RSRC1: variants seen among roughly 807,000 people sequenced by gnomAD.
RSRC1 encodes the protein serine/Arginine-related protein 53.
In RSRC1, 39 loss-of-function variants were observed where a neutral mutation model predicts 49.1. The observed-to-expected ratio is 0.79, with a 90% CI of 0.61 to 1.04. The LOEUF (loss-of-function observed/expected upper bound fraction) is 1.04, where lower values mean the gene tolerates loss of function less well. Among genes scored for constraint, RSRC1 ranks in the 50% least tolerant of loss-of-function variants. The probability of loss-of-function intolerance (pLI) is 0.00; values close to 1 mark genes in which losing one functional copy is unlikely to be tolerated. For missense variants in RSRC1, 388 were observed against 402.4 expected (o/e 0.96, Z 0.31); for synonymous variants, 143 against 130.8 (o/e 1.09, Z -0.63).
intron 6 of RSRC1, among the ~76,000 whole-genome samples, chr3:158,358,548 GTT>G (rs1196208824): frequency 6.6e-6 from 1 of 151,972 alleles, no homozygotes; most frequent in Non-Finnish European, 1.5e-5. Flanking sequence ...AGAACAGAGG[GTT>G]TTTTTAATCA....
rs550946877 is a variant in RSRC1 at position 158,521,691 on chromosome 3, T to G, written c.653-15401T>G. On this transcript the variant is annotated intron_variant, in intron 7 of 9. Coordinates refer to ENST00000611884, the MANE Select transcript of RSRC1 (RefSeq NM_001271838.2). ...ACTTGTAAATAGAGCTGGAGTTGCC[T>G]TATTATATTGCAATTTTATGACTTA... Among the ~76,000 whole-genome samples the G allele has an allele frequency of 1.6e-4, 6 of 36,432 alleles. No individual in the cohort carries two copies. The East Asian group carries it at 1.9e-3, about 11-fold the overall frequency. 23.9% of individuals were successfully genotyped at this position (36,432 alleles called of 152,430 possible).
At chr3:158,290,310 T>G (rs1578295645) in intron 4 of RSRC1, among the ~76,000 whole-genome samples, 1 of 152,124 alleles carries the variant, frequency 6.6e-6, no homozygotes, top group African/African-American at 2.4e-5. Flanking sequence ...TCTTGCTCTG[T>G]CTCCCAGGCT....
intron 4 of RSRC1, among the ~76,000 whole-genome samples, chr3:158,247,980 T>C (rs966973457): frequency 1.3e-5 from 2 of 152,154 alleles, no homozygotes; most frequent in African/African-American, 2.4e-5. Context: ...AACCCAGAAA[T>C]AAGACCACAC....
intron 3 of RSRC1, among the ~76,000 whole-genome samples, chr3:158,173,578 T>G (rs1719010516): frequency 6.6e-6 from 1 of 151,986 alleles, no homozygotes; most frequent in Non-Finnish European, 1.5e-5. Context: ...AAAAATTTAC[T>G]GTATGAACTA....
At chr3:158,271,616 A>G (rs1205816792) in intron 4 of RSRC1, among the ~76,000 whole-genome samples, 1 of 152,154 alleles carries the variant, frequency 6.6e-6, no homozygotes, top group Non-Finnish European at 1.5e-5. Context: ...TGCAAAAATA[A>G]TTATATAGCT....
In RSRC1 at chr3:158,408,235, T is replaced by A. The variant is rs145289410; in HGVS notation, c.584-52700T>A. Among the ~76,000 whole-genome samples, 1,078 of 152,344 alleles carry A rather than the reference T, an allele frequency of 7.1e-3. 33 individuals are homozygous for A. Among genetic ancestry groups the A allele is most frequent in the Admixed American group, 0.064 (977 of 15,296 alleles). On this transcript the variant is annotated intron_variant, in intron 6 of 9. Transcript: ENST00000611884. ...CTTATTTTCTCAACCTTCTAACTGA[T>A]GTATTTAGCTGTCGTTTTTAGAGAG...
At position 158,123,513 on chromosome 3, in the gene RSRC1, G is replaced by C. The variant is rs549042170; in HGVS notation, c.195-353G>C. On this transcript the variant is annotated intron_variant, in intron 2 of 9. Coordinates refer to ENST00000611884, the MANE Select transcript of RSRC1 (RefSeq NM_001271838.2). ...TGGCCTTGCTGTGTTGCCCAAGCTG[G>C]TATCGAATTCTTGGCCTCAAGCGAT... Among the ~76,000 whole-genome samples, 28 of 152,032 alleles carry C rather than the reference G, an allele frequency of 1.8e-4. No homozygotes were observed. In the East Asian group the frequency reaches 3.3e-3, roughly 18 times the overall value.
chr3:158,388,588 G>A (rs1040284790), intron 6 of RSRC1, among the ~76,000 whole-genome samples: 1 of 149,462 alleles, frequency 6.7e-6, no homozygotes, highest in African/African-American at 2.5e-5. Flanking sequence ...AGGCATTTGG[G>A]GAGCCAAATT....
chr3:158,220,507 C>T (rs1242851865), intron 4 of RSRC1, among the ~76,000 whole-genome samples: 7 of 151,512 alleles, frequency 4.6e-5, no homozygotes, highest in African/African-American at 1.2e-4. Flanking sequence ...GTAATTCTTT[C>T]GGGTGCTATT....
chr3:158,415,839 A>G (rs1189813666), intron 6 of RSRC1, among the ~76,000 whole-genome samples: 1 of 152,038 alleles, frequency 6.6e-6, no homozygotes, highest in Non-Finnish European at 1.5e-5. Context: ...CATTAATAGC[A>G]ATATTTCCCT....
At chr3:158,299,642 T>C (rs1482161883) in intron 5 of RSRC1, among the ~76,000 whole-genome samples, 1 of 152,148 alleles carries the variant, frequency 6.6e-6, no homozygotes, top group East Asian at 1.9e-4. Context: ...GAGGTGTCTT[T>C]TATACTTTTG....
At chr3:158,419,426 A>G (rs78871911) in intron 6 of RSRC1, among the ~76,000 whole-genome samples, 8,186 of 152,016 alleles carry the variant, frequency 0.054, 319 homozygotes, top group South Asian at 0.1. Flanking sequence ...TCATTGTCAT[A>G]GGTGACAGTT....
intron 6 of RSRC1, among the ~76,000 whole-genome samples, chr3:158,425,315 T>C (rs1185610188): frequency 6.6e-6 from 1 of 152,130 alleles, no homozygotes; most frequent in Non-Finnish European, 1.5e-5. Flanking sequence ...ACATCTTTAT[T>C]TCTGCCTTCA....
At chr3:158,448,383 A>T (rs777271163) in intron 6 of RSRC1, among the ~76,000 whole-genome samples, 10 of 151,804 alleles carry the variant, frequency 6.6e-5, no homozygotes, top group Non-Finnish European at 1.5e-4. Flanking sequence ...TTCAGGTTAT[A>T]AAAAAATGTT....
At chr3:158,132,761 A>G (rs984203682) in intron 3 of RSRC1, among the ~76,000 whole-genome samples, 2 of 152,142 alleles carry the variant, frequency 1.3e-5, no homozygotes, top group African/African-American at 4.8e-5. Flanking sequence ...GCACTATTAA[A>G]TTTTACAGCT....
rs185870343 is a variant in RSRC1, at chr3:158,395,428, C to T, written c.583+40520C>T. Reference sequence around the variant, plus strand: ...AATGCTAGAAAATATTTGCAAACTACGCATCTGACAAAGGTCAATATCCAG... The same window carrying T: ...AATGCTAGAAAATATTTGCAAACTATGCATCTGACAAAGGTCAATATCCAG... On this transcript the variant is annotated intron_variant, in intron 6 of 9. Transcript: ENST00000611884. Among the ~76,000 whole-genome samples, 212 of 152,138 alleles carry T rather than the reference C, an allele frequency of 1.4e-3. 5 individuals are homozygous for T. In the South Asian group the frequency reaches 0.029, roughly 21 times the overall value.
Position 158,122,240 on chromosome 3 carries a change from T to C in RSRC1, c.136T>C (p.Ser46Pro). 1 of 1,604,854 alleles carries C rather than the reference T, an allele frequency of 6.2e-7. No individual in the cohort carries two copies. The highest frequency in any genetic ancestry group is 8.5e-7 in the Non-Finnish European group (1 of 1,174,978). Residue 46 changes from serine to proline, a missense_variant, in exon 2 of 10, where the codon TCA (serine) becomes CCA (proline). Transcript: ENST00000611884. ...AAAGAAAGGAGGAAGGAAATCAAGA[T>C]CAAAGTCAAGATCTTGGTCCAGAGA... ...SRKKGGRKSR[S>P]KSRSWSRDLQ...
chr3:158,127,221 T>C (rs1387706062), intron 3 of RSRC1, among the ~76,000 whole-genome samples: 2 of 152,134 alleles, frequency 1.3e-5, no homozygotes, highest in Non-Finnish European at 2.9e-5. Context: ...TCAAATAAGC[T>C]CTCTGTTCAT....
intron 6 of RSRC1, among the ~76,000 whole-genome samples, chr3:158,362,297 C>G (rs549900161): frequency 6.6e-6 from 1 of 152,114 alleles, no homozygotes; most frequent in East Asian, 1.9e-4. Context: ...GCTGTGATTG[C>G]GCCACTGCAC....
Sources: allele counts gnomAD v4.1 joint callset (sites outside exome capture counted in the v4.1 genomes callset), GRCh38; gene constraint gnomAD v4.1.1; transcripts MANE v1.5; gene names NCBI Gene and HGNC (gene_info 2026-07-23, HGNC 2026-07-21).